PRMT9: variants seen among roughly 807,000 people sequenced by gnomAD.
The protein encoded by PRMT9 is protein arginine methyltransferase 9.
PRMT9 carries 59 observed loss-of-function variants against 83.2 expected under a neutral mutation model. The ratio of observed to expected loss-of-function variants is 0.71; its 90% CI spans 0.57 to 0.88. The LOEUF is 0.88. Ranked by LOEUF, PRMT9 falls within the 40% of genes least tolerant of loss-of-function variation. PRMT9 has a pLI of 0.00. For missense variants in PRMT9, 947 were observed against 1,021.9 expected, an observed-to-expected ratio of 0.93 and a Z score of 1.00; for synonymous variants, 333 against 353.2, an observed-to-expected ratio of 0.94 and a Z score of 0.64.
chr4:147,651,414 A>C (rs1320416406), intron 9 of PRMT9, among the ~76,000 whole-genome samples: 1 of 152,230 alleles, frequency 6.6e-6, no homozygotes. Flanking sequence ...AAACTTTTGC[A>C]CATCAAAGGA....
intron 9 of PRMT9, among the ~76,000 whole-genome samples, chr4:147,651,942 G>T (rs2126589246): frequency 6.6e-6 from 1 of 152,222 alleles, no homozygotes; most frequent in Admixed American, 6.5e-5. Flanking sequence ...AGTGAAAAAT[G>T]ACTGACTAAA....
chr4:147,656,324 CCT>C (rs1424261355), intron 8 of PRMT9, among the ~76,000 whole-genome samples: 2 of 151,632 alleles, frequency 1.3e-5, no homozygotes, highest in African/African-American at 4.8e-5. Context: ...TCAGGATGTC[CCT>C]CTGTTGCCCA....
At chr4:147,640,074 T>TTTTC (rs1733285675) in intron 10 of PRMT9, among the ~76,000 whole-genome samples, 1 of 87,968 alleles carries the variant, frequency 1.1e-5, no homozygotes, top group Non-Finnish European at 2.6e-5. Context: ...TTTTTTTTTT[T>TTTTC]TTTTTTTTTT....
intron 6 of PRMT9, among the ~76,000 whole-genome samples, chr4:147,666,569 T>C (rs892995366): frequency 1.1e-4 from 16 of 152,230 alleles, no homozygotes; most frequent in Non-Finnish European, 1.9e-4. Flanking sequence ...ACTGATGTAT[T>C]TGTCTTTCTG....
At position 147,684,054 on chromosome 4, in the gene PRMT9, GCTACACTT is replaced by G; in HGVS notation, c.-75_-68del. 6.7e-7 allele frequency: 1 copy of G among 1,499,294 alleles called. No homozygotes were observed. The allele number at this position is 1,499,294 out of a possible 1,614,324, so 92.9% of individuals were successfully genotyped here. On this transcript the variant is annotated 5_prime_UTR_variant, in exon 1 of 12. Coordinates refer to ENST00000322396, the MANE Select transcript of PRMT9 (RefSeq NM_138364.4). ...AACGTAATTAGAAAACTCTCTCGAT[GCTACACTT>G]CCAGGGACCAGACAACTGCTCAAAA...
At chr4:147,645,437 T>C (rs549771186) in intron 9 of PRMT9, among the ~76,000 whole-genome samples, 5 of 152,232 alleles carry the variant, frequency 3.3e-5, no homozygotes, top group Admixed American at 2.6e-4. Context: ...AATGGAAAAT[T>C]TTAATATGCA....
Position 147,672,986 on chromosome 4 carries a change from A to C in PRMT9, c.716T>G (p.Ile239Arg). The C allele has an allele frequency of 1.2e-6, 2 of 1,613,968 alleles. No homozygotes were observed. The highest frequency in any genetic ancestry group is 8.5e-7 in the Non-Finnish European group (1 of 1,179,872). ...TTCGGGAATATGTTTTGGAATCTCTATGTCAAGTGACTTCGTATGTAAGAG... is the reference window on the plus strand; with the variant it reads ...TTCGGGAATATGTTTTGGAATCTCTCTGTCAAGTGACTTCGTATGTAAGAG... ...IKLLHTKSLD[I>R]EIPKHIPERV... Residue 239 changes from isoleucine (I) to arginine (R), a missense_variant, in exon 4 of 12, where the codon ATA (isoleucine) becomes AGA (arginine). Physicochemically the swap from Ile to Arg is moderately conservative, Grantham distance 97. Transcript: ENST00000322396.
intron 6 of PRMT9, among the ~76,000 whole-genome samples, chr4:147,663,596 G>A (rs535570575): frequency 9.2e-5 from 14 of 152,210 alleles, no homozygotes; most frequent in African/African-American, 2.6e-4. Context: ...AAACTCCTGA[G>A]CTCAGGCCAT....
rs145016611 is a variant in PRMT9 at position 147,673,860 on chromosome 4, T to C, written c.353A>G (p.Asp118Gly). ...TTTATGAAAATACCCAGCTGCTTCA[T>C]CCCTAAAGCCCATTCTAGAGTAAAA... The part of the protein sequence containing the change: ...GEHLFRMGFR[D>G]EAAGYFHKAV... Residue 118 changes from aspartate to glycine, a missense_variant, in exon 3 of 12, where the codon GAT (aspartate) becomes GGT (glycine). Physicochemically the swap from Asp to Gly is moderately conservative, Grantham distance 94. Coordinates refer to ENST00000322396, the MANE Select transcript of PRMT9 (RefSeq NM_138364.4). The C allele has an allele frequency of 8.7e-6, 14 of 1,613,720 alleles. No homozygotes were observed. The Middle Eastern group carries it at 4.9e-4, about 57-fold the overall frequency.
chr4:147,657,739 A>C, intron 8 of PRMT9, 53 bp downstream of exon 8: 1 of 1,406,018 alleles, frequency 7.1e-7, no homozygotes, highest in Admixed American at 1.7e-5. Context: ...CACTGACTTG[A>C]ATACTTAGAA....
chr4:147,661,269 A>C (rs1176461213), intron 6 of PRMT9: 2 of 430,060 alleles, frequency 4.7e-6, no homozygotes, highest in Non-Finnish European at 8.1e-6. Flanking sequence ...ACTAAAAAAA[A>C]AAAAAAACAC....
intron 4 of PRMT9, among the ~76,000 whole-genome samples, chr4:147,672,656 C>T (rs925664577): frequency 2.4e-4 from 37 of 152,196 alleles, no homozygotes; most frequent in Middle Eastern, 3.4e-3. Context: ...CAGTTATTGA[C>T]CACACAGGAT....
In PRMT9 at chr4:147,673,108, A is replaced by G. The variant is rs1735843803; in HGVS notation, c.594T>C (p.Ala198=). 6.2e-7 allele frequency: 1 copy of G among 1,613,902 alleles called. No individual in the cohort carries two copies. The highest frequency in any genetic ancestry group is 2.2e-5 in the East Asian group (1 of 44,874). Residue 198 remains alanine (A), a synonymous_variant, in exon 4 of 12, where the codon GCT becomes GCC. Coordinates refer to ENST00000322396, the MANE Select transcript of PRMT9 (RefSeq NM_138364.4). ...CACAGGCATACACGGAATGTGCTCC[A>G]GCTTTTTTAGCAAACATGCTACAAG... ...TGILSMFAKK[A]GAHSVYACEL... is the part of the protein sequence containing the mutation.
rs368827182 is a variant in PRMT9, at chr4:147,683,922, G to A, written c.66C>T (p.Asp22=). 7 of 1,612,992 alleles carry A rather than the reference G, an allele frequency of 4.3e-6. No individual in the cohort carries two copies. The Admixed American group carries it at 6.7e-5, about 15-fold the overall frequency. Residue 22 remains aspartate (D), a synonymous_variant, in exon 1 of 12, where the codon GAC becomes GAT. Coordinates refer to ENST00000322396, the MANE Select transcript of PRMT9 (RefSeq NM_138364.4). ...TCTGCAAGGACCGCGACACCAGCTCGTCCCGGCCGGCTGCCCCAGCGCCAC... is the reference window on the plus strand; with the variant it reads ...TCTGCAAGGACCGCGACACCAGCTCATCCCGGCCGGCTGCCCCAGCGCCAC... ...AGGGAGAAGR[D]ELVSRSLQSA...
In PRMT9 at chr4:147,638,742, G is replaced by A. The variant is rs753198549; in HGVS notation, c.2328C>T (p.Tyr776=). 1.9e-5 allele frequency: 31 copies of A among 1,605,228 alleles called. No individual in the cohort carries two copies. The Admixed American group carries it at 2.0e-4, about 10-fold the overall frequency. The change falls in exon 12 of 12, where the codon TAC becomes TAT. Residue 776 remains tyrosine, a synonymous_variant. Transcript: ENST00000322396. ...CAGTCAGTCTTCCAGATTTACAAAC[G>A]TATACCTATGAAAATAAAGAAATTA... ...LNTSNREVKV[Y]VCKSGRLTAI...
At chr4:147,655,817 C>T (rs2126597954) in intron 8 of PRMT9, among the ~76,000 whole-genome samples, 1 of 152,316 alleles carries the variant, frequency 6.6e-6, no homozygotes, top group East Asian at 1.9e-4. Flanking sequence ...GCATAAGCCA[C>T]TAAGCCCAGC....
chr4:147,641,448 T>C (rs949982019), intron 10 of PRMT9, among the ~76,000 whole-genome samples: 1 of 152,200 alleles, frequency 6.6e-6, no homozygotes, highest in Non-Finnish European at 1.5e-5. Flanking sequence ...CCTCTGTTTA[T>C]CACTTACCCA....
At chr4:147,652,209 T>TA (rs1281769628) in intron 9 of PRMT9, among the ~76,000 whole-genome samples, 2 of 151,666 alleles carry the variant, frequency 1.3e-5, no homozygotes, top group East Asian at 1.9e-4. Context: ...TTAATTAATT[T>TA]AAAAAAAACT....
chr4:147,662,470 C>T (rs956577688), intron 6 of PRMT9, among the ~76,000 whole-genome samples: 14 of 152,158 alleles, frequency 9.2e-5, no homozygotes, highest in African/African-American at 3.1e-4. Context: ...AAACTTATGG[C>T]TTACACACTT....
Sources: allele counts gnomAD v4.1 joint callset (sites outside exome capture counted in the v4.1 genomes callset), GRCh38; gene constraint gnomAD v4.1.1; transcripts MANE v1.5; gene names NCBI Gene and HGNC (gene_info 2026-07-23, HGNC 2026-07-21).